The following CCM2 variants were observed in gnomAD, a reference collection of about 807,000 sequenced individuals.
CCM2 encodes the protein cerebral cavernous malformations 2 protein.
In CCM2, 25 loss-of-function variants were observed where a neutral mutation model predicts 44.9. That is an observed-to-expected ratio of 0.56 (90% confidence interval 0.41 to 0.78). The LOEUF is 0.78. Among genes scored for constraint, CCM2 ranks in the 30% least tolerant of loss-of-function variants. The probability of loss-of-function intolerance (pLI) is 0.00; values close to 1 mark genes in which losing one functional copy is unlikely to be tolerated. For synonymous variants in CCM2, 219 were observed against 241.1 expected, an observed-to-expected ratio of 0.91 and a Z score of 0.85; for missense variants, 481 against 580.6, an observed-to-expected ratio of 0.83 and a Z score of 1.76.
At position 45,076,403 on chromosome 7, in the gene CCM2, G is replaced by GT; in HGVS notation, c.*347dup. On this transcript the variant is annotated 3_prime_UTR_variant, in exon 10 of 10. Coordinates refer to ENST00000258781, the MANE Select transcript of CCM2 (RefSeq NM_031443.4). ...CAGTTTTGCACATGATGTTCCTATT[G>GT]TAACTCTCAGAGACCTTAAAAAGAA... is the stretch of plus-strand genomic sequence containing the variant. 1 of 449,454 alleles carries GT rather than the reference G, an allele frequency of 2.2e-6. No homozygotes were observed. Among genetic ancestry groups the GT allele is most frequent in the South Asian group, 1.9e-5 (1 of 53,738 alleles). 27.8% of individuals were successfully genotyped at this position (449,454 alleles called of 1,614,324 possible).
At chr7:45,050,260 A>C (rs192282784) in intron 2 of CCM2, among the ~76,000 whole-genome samples, 1 of 148,460 alleles carries the variant, frequency 6.7e-6, no homozygotes, top group Admixed American at 6.8e-5. Flanking sequence ...GTAGTGGGCT[A>C]TAATGTACCA....
rs1796059488 is a variant in CCM2 at position 45,011,325 on chromosome 7, T to C, written c.30+10962T>C. 4.6e-5 allele frequency among the ~76,000 whole-genome samples: 7 copies of C among 152,074 alleles called. No homozygotes were observed. In the South Asian group the frequency reaches 1.2e-3, roughly 27 times the overall value. The stretch of plus-strand genomic sequence containing the variant: ...TATTCTCATGCCTCAGCCTCCCTGG[T>C]AGCTGGGATTACAGGTGCCCGCCAC... On this transcript the variant is annotated intron_variant, in intron 1 of 9. Transcript: ENST00000258781.
intron 2 of CCM2, among the ~76,000 whole-genome samples, chr7:45,039,568 C>T (rs939866815): frequency 2.6e-5 from 4 of 151,892 alleles, no homozygotes; most frequent in African/African-American, 9.7e-5. Context: ...AGGCAGAGCT[C>T]AAGACAAATA....
intron 2 of CCM2, among the ~76,000 whole-genome samples, chr7:45,053,717 C>G (rs1262624655): frequency 1.3e-5 from 2 of 152,182 alleles, no homozygotes; most frequent in African/African-American, 2.4e-5. Context: ...CGGAGGCTGG[C>G]CAGTACAGAG....
chr7:45,030,588 T>G (rs1182547629), intron 1 of CCM2, among the ~76,000 whole-genome samples: 2 of 152,132 alleles, frequency 1.3e-5, no homozygotes, highest in African/African-American at 4.8e-5. Context: ...GGCTAATTTT[T>G]AATATTTTTT....
At chr7:44,999,837 A>G (rs1348064414), upstream of CCM2, 3 of 433,984 alleles carry the variant, frequency 6.9e-6, no homozygotes, top group Admixed American at 7.5e-5. Flanking sequence ...GAGTGGGCGG[A>G]GCGAACAGGG....
At chr7:45,028,357 C>T (rs1176122771) in intron 1 of CCM2, among the ~76,000 whole-genome samples, 4 of 152,056 alleles carry the variant, frequency 2.6e-5, no homozygotes, top group African/African-American at 9.7e-5. Context: ...CTCTGGTTCC[C>T]CTTGAAATTC....
chr7:45,036,086 A>G (rs1252776874), intron 1 of CCM2, among the ~76,000 whole-genome samples: 5 of 152,112 alleles, frequency 3.3e-5, no homozygotes, highest in Admixed American at 3.3e-4. Flanking sequence ...GCCGGAGCAG[A>G]GATCATGCCT....
At chr7:45,059,403 C>A (rs1182217770) in intron 2 of CCM2, among the ~76,000 whole-genome samples, 1 of 144,382 alleles carries the variant, frequency 6.9e-6, no homozygotes, top group Non-Finnish European at 1.5e-5. Flanking sequence ...GGCAATGTGG[C>A]GAAACCCTGT....
intron 6 of CCM2, chr7:45,072,066 C>T (rs549527334): frequency 5.6e-6 from 2 of 357,758 alleles, no homozygotes. Context: ...CTCTCTGCAA[C>T]ACTCACCTGC....
In CCM2 at chr7:45,072,596, TGAA is replaced by T. The variant is rs1799133149; in HGVS notation, c.746-128_746-126del. On this transcript the variant is annotated intron_variant, in intron 6 of 9. Transcript: ENST00000258781. ...ACATTCCAGAGTGCGGGCAGCTTGA[TGAA>T]GGACAGCAGGGTCCCTGAAGACCAG... is the stretch of plus-strand genomic sequence containing the variant. 3 of 752,638 alleles carry T rather than the reference TGAA, an allele frequency of 4.0e-6. No individual in the cohort carries two copies. In the East Asian group the frequency reaches 7.8e-5, roughly 20 times the overall value. The allele number at this position is 752,638 out of a possible 1,614,324, so 46.6% of individuals were successfully genotyped here.
At chr7:45,054,262 T>G (rs755253205) in intron 2 of CCM2, among the ~76,000 whole-genome samples, 12 of 151,954 alleles carry the variant, frequency 7.9e-5, no homozygotes, top group Non-Finnish European at 1.8e-4. Context: ...AAGGAGTGTG[T>G]GGGGGGCTTC....
chr7:45,025,762 A>AACCTCAGGTGATCTGCCC (rs1796663529), intron 1 of CCM2, among the ~76,000 whole-genome samples: 1 of 152,078 alleles, frequency 6.6e-6, no homozygotes, highest in Admixed American at 6.6e-5. Flanking sequence ...TCAAACTTCT[A>AACCTCAGGTGATCTGCCC]ACCTCAGGTG....
intron 1 of CCM2, chr7:45,029,484 T>C (rs1282631866): frequency 2.0e-5 from 3 of 152,196 alleles, no homozygotes; most frequent in Non-Finnish European, 2.9e-5. Context: ...GAGCTCAATG[T>C]TTTGCATGGA....
chr7:45,035,915 A>G (rs962013163), intron 1 of CCM2, among the ~76,000 whole-genome samples: 1 of 152,180 alleles, frequency 6.6e-6, no homozygotes, highest in Admixed American at 6.5e-5. Context: ...ATTAACTGGT[A>G]TATATTTTGC....
intron 2 of CCM2, among the ~76,000 whole-genome samples, chr7:45,047,071 G>A (rs1044972801): frequency 3.3e-5 from 5 of 152,180 alleles, no homozygotes; most frequent in Non-Finnish European, 5.9e-5. Context: ...AACACAAGAT[G>A]CTGGAGAAGA....
At chr7:45,030,203 TG>T (rs929960778) in intron 1 of CCM2, among the ~76,000 whole-genome samples, 1 of 152,206 alleles carries the variant, frequency 6.6e-6, no homozygotes, top group Admixed American at 6.5e-5. Flanking sequence ...GGTTTCCTTC[TG>T]GGGACTGAAT....
intron 2 of CCM2, among the ~76,000 whole-genome samples, chr7:45,058,764 G>T (rs1374577796): frequency 6.6e-6 from 1 of 152,022 alleles, no homozygotes; most frequent in Admixed American, 6.6e-5. Flanking sequence ...GCCAGTTGAT[G>T]TGATGGATTA....
Position 45,065,816 on chromosome 7 carries a change from A to T in CCM2, c.472+1170A>T, listed in dbSNP as rs183637642. ...TACACACATGTACATTACTCACCCT[A>T]TCTGGCTTAGAAGGCTGGGTTGGTG... On this transcript the variant is annotated intron_variant, in intron 4 of 9. Transcript: ENST00000258781. Among the ~76,000 whole-genome samples the T allele has an allele frequency of 2.6e-5, 4 of 152,196 alleles. No homozygotes were observed. The East Asian group carries it at 7.7e-4, about 29-fold the overall frequency.
Sources: allele counts gnomAD v4.1 joint callset (sites outside exome capture counted in the v4.1 genomes callset), GRCh38; gene constraint gnomAD v4.1.1; transcripts MANE v1.5; gene names NCBI Gene and HGNC (gene_info 2026-07-23, HGNC 2026-07-21).